The following PCDH15 variants were observed in gnomAD, a reference collection of about 807,000 sequenced individuals.
PCDH15 encodes the protein protocadherin-15.
A neutral mutation model predicts 178.5 loss-of-function variants in PCDH15; 129 were observed. That is an observed-to-expected ratio of 0.72 (90% CI 0.63 to 0.84). PCDH15 has a LOEUF of 0.84. Among genes scored for constraint, PCDH15 ranks in the 40% least tolerant of loss-of-function variants. The pLI is 0.00. For missense variants in PCDH15, 2,230 were observed against 2,099.9 expected, an observed-to-expected ratio of 1.06 and a Z score of -1.21; for synonymous variants, 800 against 732.0, an observed-to-expected ratio of 1.09 and a Z score of -1.50.
intron 2 of PCDH15, among the ~76,000 whole-genome samples, chr10:55,478,652 G>C (rs957165346): frequency 2.0e-5 from 3 of 150,626 alleles, no homozygotes; most frequent in African/African-American, 7.3e-5. Context: ...ATAAAGATTA[G>C]AGAAGAAAAA....
chr10:53,972,338 G>GA (rs1464431573), intron 21 of PCDH15, among the ~76,000 whole-genome samples: 1 of 152,010 alleles, frequency 6.6e-6, no homozygotes, highest in East Asian at 1.9e-4. Context: ...AAAAACTCTA[G>GA]AAAAAAACCT....
In PCDH15 at chr10:55,300,661, T is replaced by A. The variant is rs1483207724; in HGVS notation, c.-156+18938A>T. Among the ~76,000 whole-genome samples, 3 of 152,188 alleles carry A rather than the reference T, an allele frequency of 2.0e-5. No individual in the cohort carries two copies. The South Asian group carries it at 6.2e-4, about 31-fold the overall frequency. Reference sequence around the variant, plus strand: ...TAAAAAATTAAGCTCAAGTATTACATTCAAAATTGATTCAATTTAGAAAAA... The same window carrying A: ...TAAAAAATTAAGCTCAAGTATTACAATCAAAATTGATTCAATTTAGAAAAA... On this transcript the variant is annotated intron_variant, in intron 1 of 5. Transcript: ENST00000458638.
chr10:54,214,705 C>T (rs768589677), intron 9 of PCDH15, among the ~76,000 whole-genome samples: 1 of 152,104 alleles, frequency 6.6e-6, no homozygotes, highest in Non-Finnish European at 1.5e-5. Context: ...GGTTCCCCTG[C>T]CTCAGCCCCC....
In PCDH15 at chr10:55,386,764, C is replaced by A. The variant is rs1018269399; in HGVS notation, c.-155-220113G>T. 3.3e-5 allele frequency among the ~76,000 whole-genome samples: 5 copies of A among 151,890 alleles called. No individual in the cohort carries two copies. The South Asian group carries it at 6.2e-4, about 19-fold the overall frequency. On this transcript the variant is annotated intron_variant, in intron 2 of 5. Coordinates refer to the PCDH15 transcript ENST00000613346. ...ATAGTATTTTAGTCTAAAAAGTGAT[C>A]TTTTATTAATAATACTAAAAGTAAT...
intron 17 of PCDH15, among the ~76,000 whole-genome samples, chr10:54,072,043 A>G (rs1241581407): frequency 6.6e-6 from 1 of 152,088 alleles, no homozygotes; most frequent in Non-Finnish European, 1.5e-5. Context: ...TATTTTATTT[A>G]AATGTCTGAA....
intron 3 of PCDH15, among the ~76,000 whole-genome samples, chr10:54,409,223 C>G (rs1953129476): frequency 6.6e-6 from 1 of 152,122 alleles, no homozygotes. Context: ...ATCGTCCAGT[C>G]TCAGGTATGT....
intron 1 of PCDH15, among the ~76,000 whole-genome samples, chr10:54,745,363 T>C (rs1945315591): frequency 1.2e-5 from 1 of 84,992 alleles, no homozygotes; most frequent in African/African-American, 4.3e-5. Flanking sequence ...AATCCTTTTA[T>C]ATACACACAG....
chr10:55,373,230 C>T (rs1195612446), intron 2 of PCDH15, among the ~76,000 whole-genome samples: 1 of 151,990 alleles, frequency 6.6e-6, no homozygotes, highest in Non-Finnish European at 1.5e-5. Flanking sequence ...ATTTATGTAG[C>T]TATATACAAA....
At chr10:55,100,689 A>G (rs946416094) in intron 2 of PCDH15, among the ~76,000 whole-genome samples, 5 of 152,088 alleles carry the variant, frequency 3.3e-5, no homozygotes, top group African/African-American at 1.2e-4. Context: ...GTGAGAAATC[A>G]TGCATCCCCA....
chr10:54,436,021 GGAGAGGAGAGGAGA>G (rs1163270120), intron 3 of PCDH15, among the ~76,000 whole-genome samples: 7 of 92,578 alleles, frequency 7.6e-5, no homozygotes, highest in Non-Finnish European at 1.7e-4. Context: ...GGAGAGGAGA[GGAGAGGAGAGGAGA>G]GAGAGAGAGA....
At position 55,379,910 on chromosome 10, in the gene PCDH15, G is replaced by A. The variant is rs890082060; in HGVS notation, c.-155-213259C>T. Among the ~76,000 whole-genome samples the A allele has an allele frequency of 1.1e-4, 17 of 152,202 alleles. 1 individual carries two copies. Among genetic ancestry groups the A allele is most frequent in the African/African-American group, 4.1e-4 (17 of 41,540 alleles). On this transcript the variant is annotated intron_variant, in intron 2 of 5. Coordinates refer to the PCDH15 transcript ENST00000613346. The stretch of plus-strand genomic sequence containing the variant: ...CAGAGAAGGCAGTTATTCTAGAAGT[G>A]CTAAGGGTACTAAAGAGTAAAGAAA...
intron 1 of PCDH15, among the ~76,000 whole-genome samples, chr10:54,740,672 AGTGGC>A (rs1944674784): frequency 1.3e-5 from 2 of 152,024 alleles, no homozygotes; most frequent in Admixed American, 1.3e-4. Flanking sequence ...ATATATACAA[AGTGGC>A]GTATTAATAC....
At chr10:54,373,995 AAAGAAAATT>A (rs1740967552) in intron 4 of PCDH15, among the ~76,000 whole-genome samples, 1 of 152,034 alleles carries the variant, frequency 6.6e-6, no homozygotes, top group Non-Finnish European at 1.5e-5. Context: ...TTCTAAATAA[AAAGAAAATT>A]ATATAGACAG....
intron 26 of PCDH15, among the ~76,000 whole-genome samples, chr10:53,896,931 T>G (rs182700257): frequency 1.3e-5 from 2 of 152,300 alleles, no homozygotes; most frequent in East Asian, 1.9e-4. Flanking sequence ...GTTTTATCAT[T>G]ATTTCATTAT....
At chr10:55,029,396 GTGGTGCTGACA>G (rs1840555503) in intron 2 of PCDH15, among the ~76,000 whole-genome samples, 2 of 152,018 alleles carry the variant, frequency 1.3e-5, no homozygotes, top group African/African-American at 2.4e-5. Context: ...CAGATGTAGT[GTGGTGCTGACA>G]ATCAGGTTTA....
chr10:55,198,838 TCCTG>T (rs1840165813), intron 1 of PCDH15, among the ~76,000 whole-genome samples: 1 of 152,026 alleles, frequency 6.6e-6, no homozygotes, highest in Admixed American at 6.6e-5. Flanking sequence ...TCTCCCTCTC[TCCTG>T]CTCTGTCATT....
chr10:54,776,012 T>TATGA (rs1218008959), intron 1 of PCDH15, among the ~76,000 whole-genome samples: 2 of 152,212 alleles, frequency 1.3e-5, no homozygotes, highest in Non-Finnish European at 2.9e-5. Flanking sequence ...AGCTTCTGCA[T>TATGA]ATGAGTAAGA....
At chr10:55,229,802 T>C (rs1219485541) in intron 1 of PCDH15, among the ~76,000 whole-genome samples, 1 of 152,028 alleles carries the variant, frequency 6.6e-6, no homozygotes, top group East Asian at 1.9e-4. Context: ...GAATAAAATA[T>C]TGATAAAAGC....
At chr10:55,353,804 C>T (rs73255717) in intron 2 of PCDH15, among the ~76,000 whole-genome samples, 1,816 of 152,120 alleles carry the variant, frequency 0.012, 50 homozygotes, top group African/African-American at 0.042. Context: ...TAAATATCTA[C>T]GATTGCAGGA....
Sources: allele counts gnomAD v4.1 joint callset (sites outside exome capture counted in the v4.1 genomes callset), GRCh38; gene constraint gnomAD v4.1.1; transcripts MANE v1.5; gene names NCBI Gene and HGNC (gene_info 2026-07-23, HGNC 2026-07-21).